Variants in BPGM observed in about 807,000 individuals in gnomAD.
The protein encoded by BPGM is bisphosphoglycerate mutase, also known as 2,3-bisphosphoglycerate mutase, erythrocyte.
In BPGM, 15 loss-of-function variants were observed where a neutral mutation model predicts 21.6. The observed-to-expected ratio is 0.70, with a 90% CI of 0.47 to 1.07. The LOEUF is 1.07. Ranked by LOEUF, BPGM falls within the 50% of genes least tolerant of loss-of-function variation. BPGM has a pLI of 0.00. For synonymous variants in BPGM, 113 were observed against 116.2 expected, an observed-to-expected ratio of 0.97 and a Z score of 0.18; for missense variants, 273 against 319.0, an observed-to-expected ratio of 0.86 and a Z score of 1.10.
intron 2 of BPGM, among the ~76,000 whole-genome samples, chr7:134,671,428 C>G (rs1585865237): frequency 6.9e-6 from 1 of 145,834 alleles, no homozygotes; most frequent in African/African-American, 2.6e-5. Flanking sequence ...GTGGTGCAAT[C>G]TGGGCTCACT....
intron 1 of BPGM, among the ~76,000 whole-genome samples, chr7:134,647,622 C>T (rs1238416657): frequency 1.3e-5 from 2 of 152,214 alleles, no homozygotes; most frequent in Non-Finnish European, 2.9e-5. Flanking sequence ...TCTCATCCCC[C>T]TACTGCCTCC....
chr7:134,663,881 T>C (rs1014964881), intron 2 of BPGM, among the ~76,000 whole-genome samples: 42 of 152,302 alleles, frequency 2.8e-4, no homozygotes, highest in African/African-American at 7.5e-4. Flanking sequence ...TGCTAGTGCA[T>C]TGATGATTTA....
chr7:134,649,502 A>C (rs1795523518), intron 1 of BPGM, among the ~76,000 whole-genome samples: 1 of 150,470 alleles, frequency 6.6e-6, no homozygotes, highest in Non-Finnish European at 1.5e-5. Flanking sequence ...TGGGGCCTGA[A>C]GAACAGAGGT....
intron 2 of BPGM, among the ~76,000 whole-genome samples, chr7:134,669,931 C>T (rs1562970995): frequency 1.3e-5 from 2 of 152,126 alleles, no homozygotes; most frequent in African/African-American, 2.4e-5. Context: ...AAAGCACCAC[C>T]GTGAAAACAT....
chr7:134,650,296 C>T (rs1434753565), intron 1 of BPGM, among the ~76,000 whole-genome samples: 2 of 152,154 alleles, frequency 1.3e-5, no homozygotes, highest in African/African-American at 4.8e-5. Flanking sequence ...ATGCAACATG[C>T]CCTGAGCAAA....
At chr7:134,676,485 G>A (rs1206472867) in intron 2 of BPGM, among the ~76,000 whole-genome samples, 2 of 152,108 alleles carry the variant, frequency 1.3e-5, no homozygotes, top group Admixed American at 6.5e-5. Context: ...TGAGCAATAT[G>A]CTTACAGACT....
At chr7:134,675,920 C>T (rs1017012168) in intron 2 of BPGM, among the ~76,000 whole-genome samples, 5 of 152,054 alleles carry the variant, frequency 3.3e-5, no homozygotes, top group Admixed American at 3.3e-4. Flanking sequence ...TAGTTTTGTA[C>T]TTCTTAGGTT....
At chr7:134,665,201 C>T (rs1795796246) in intron 2 of BPGM, among the ~76,000 whole-genome samples, 2 of 151,952 alleles carry the variant, frequency 1.3e-5, no homozygotes, top group African/African-American at 4.8e-5. Context: ...GAAGTGATAA[C>T]AAAACTGAAA....
intron 2 of BPGM, among the ~76,000 whole-genome samples, chr7:134,665,803 A>G (rs1221092212): frequency 1.3e-5 from 2 of 151,166 alleles, no homozygotes; most frequent in Non-Finnish European, 3.0e-5. Flanking sequence ...TTTTATTTTT[A>G]TTTTTTTAAG....
intron 2 of BPGM, among the ~76,000 whole-genome samples, chr7:134,670,457 C>G (rs1795886366): frequency 6.6e-6 from 1 of 151,992 alleles, no homozygotes; most frequent in African/African-American, 2.4e-5. Context: ...TTTATAGAAC[C>G]CTTTATTTTT....
chr7:134,672,433 A>G (rs569190314), intron 2 of BPGM, among the ~76,000 whole-genome samples: 5 of 152,272 alleles, frequency 3.3e-5, no homozygotes, highest in African/African-American at 1.2e-4. Context: ...GCAAGAATTT[A>G]GTGAATGTTT....
chr7:134,656,002 C>G (rs1203131876), intron 1 of BPGM, among the ~76,000 whole-genome samples: 1 of 152,158 alleles, frequency 6.6e-6, no homozygotes, highest in African/African-American at 2.4e-5. Context: ...TGACCTACTT[C>G]CCAATGGGTG....
intron 1 of BPGM, among the ~76,000 whole-genome samples, chr7:134,651,667 C>T (rs145433411): frequency 3.1e-4 from 47 of 152,204 alleles, no homozygotes; most frequent in Admixed American, 9.8e-4. Flanking sequence ...TATCTACAGT[C>T]CCTGTCTTGC....
At chr7:134,676,395 T>C (rs1795983689) in intron 2 of BPGM, among the ~76,000 whole-genome samples, 1 of 152,212 alleles carries the variant, frequency 6.6e-6, no homozygotes, top group South Asian at 2.1e-4. Context: ...TTTTGTTATC[T>C]TTTAACAAAT....
In BPGM at chr7:134,661,355, T is replaced by C; in HGVS notation, c.-61-92T>C. 2 of 1,101,610 alleles carry C rather than the reference T, an allele frequency of 1.8e-6. No homozygotes were observed. Among genetic ancestry groups the C allele is most frequent in the Non-Finnish European group, 2.6e-6 (2 of 756,776 alleles). 68.2% of individuals were successfully genotyped at this position (1,101,610 alleles called of 1,614,324 possible). A position where few individuals can be genotyped will look rare whatever the true frequency, so the allele number is the denominator to read the frequency against. ...TTCTGACTGTTCAAAGGGATTTCAG[T>C]TTCTTTTAGAAATTGGGTGTTGTAA... On this transcript the variant is annotated intron_variant, in intron 1 of 2. Transcript: ENST00000344924. The surrounding 1 kb of genome is among the most constrained non-coding windows in gnomAD (Gnocchi z 4.6).
intron 2 of BPGM, among the ~76,000 whole-genome samples, chr7:134,672,817 A>G (rs1795925943): frequency 6.6e-6 from 1 of 152,084 alleles, no homozygotes; most frequent in Non-Finnish European, 1.5e-5. Flanking sequence ...TGATGAATGT[A>G]ACTTATGCCA....
In BPGM at chr7:134,679,125, C is replaced by T; in HGVS notation, c.*94C>T. 12 of 1,419,326 alleles carry T rather than the reference C, an allele frequency of 8.5e-6. No individual in the cohort carries two copies. Among genetic ancestry groups the T allele is most frequent in the Non-Finnish European group, 1.2e-5 (12 of 1,028,656 alleles). The allele number at this position is 1,419,326 out of a possible 1,614,324, so 87.9% of individuals were successfully genotyped here. A position where few individuals can be genotyped will look rare whatever the true frequency, so the allele number is the denominator to read the frequency against. ...CTCTCTCTCTTTTTCCCCGATTTTC[C>T]AGAGCTAGGCTGTGGAGTAGAGTTT... On this transcript the variant is annotated 3_prime_UTR_variant, in exon 3 of 3. Coordinates refer to ENST00000344924, the MANE Select transcript of BPGM (RefSeq NM_001724.5).
intron 2 of BPGM, among the ~76,000 whole-genome samples, chr7:134,665,424 T>C (rs1795800919): frequency 2.5e-5 from 1 of 39,368 alleles, no homozygotes; most frequent in Non-Finnish European, 3.6e-5. Context: ...TGAGATCACA[T>C]GGACACAGGA....
intron 2 of BPGM, among the ~76,000 whole-genome samples, chr7:134,668,262 A>G (rs988435648): frequency 2.6e-5 from 4 of 152,192 alleles, no homozygotes; most frequent in African/African-American, 9.6e-5. Context: ...ATTAGTTGGC[A>G]TCAAGAACTC....
Sources: allele counts gnomAD v4.1 joint callset (sites outside exome capture counted in the v4.1 genomes callset), GRCh38; gene constraint gnomAD v4.1.1; non-coding constraint Gnocchi (gnomAD v3.1); transcripts MANE v1.5; gene names NCBI Gene and HGNC (gene_info 2026-07-23, HGNC 2026-07-21).